HEMK2: variants seen among roughly 807,000 people sequenced by gnomAD.
HEMK2 encodes the protein HemK methyltransferase 2, ETF1 glutamine and histone H4 lysine, also known as methyltransferase HEMK2.
At chr21:28,827,069 C>T in the HEMK2 span, among the ~76,000 whole-genome samples, 1 of 152,146 alleles carries the variant, frequency 6.6e-6, no homozygotes. Context: ...TTTGCCCATC[C>T]ATTCAATCTT....
chr21:28,866,303 T>G, the HEMK2 span, among the ~76,000 whole-genome samples: 1 of 145,294 alleles, frequency 6.9e-6, no homozygotes, highest in South Asian at 2.3e-4. Context: ...ATCACAATAC[T>G]GCACTCCAGC....
the HEMK2 span, among the ~76,000 whole-genome samples, chr21:28,688,543 T>C: frequency 6.6e-6 from 1 of 151,900 alleles, no homozygotes; most frequent in Non-Finnish European, 1.5e-5. Context: ...CTTTGCTTGG[T>C]TAACTGCTTA....
chr21:28,877,298 AAG>A, the HEMK2 span, among the ~76,000 whole-genome samples: 1 of 94,056 alleles, frequency 1.1e-5, no homozygotes, highest in Non-Finnish European at 2.4e-5. Flanking sequence ...GGAAGGAAGG[AAG>A]AGAGAGAGAA....
At chr21:28,842,296 A>G in the HEMK2 span, among the ~76,000 whole-genome samples, 1 of 152,120 alleles carries the variant, frequency 6.6e-6, no homozygotes, top group East Asian at 1.9e-4. Context: ...TAACTACATA[A>G]CTCAGTTTTC....
the HEMK2 span, among the ~76,000 whole-genome samples, chr21:28,597,949 G>T: frequency 0.018 from 2,707 of 152,196 alleles, 105 homozygotes; most frequent in African/African-American, 0.063. Context: ...TTTGCCATTG[G>T]GATAGGAGCA....
chr21:28,828,788 C>G, the HEMK2 span, among the ~76,000 whole-genome samples: 1 of 152,122 alleles, frequency 6.6e-6, no homozygotes, highest in Admixed American at 6.6e-5. Flanking sequence ...TACGAATATC[C>G]ATCTCTGTGA....
chr21:28,769,059 A>G, the HEMK2 span, among the ~76,000 whole-genome samples: 1 of 152,078 alleles, frequency 6.6e-6, no homozygotes, highest in Non-Finnish European at 1.5e-5. Context: ...TGTTTAAGCC[A>G]TTTAGACTGT....
the HEMK2 span, among the ~76,000 whole-genome samples, chr21:28,744,315 C>A: frequency 6.6e-6 from 1 of 151,754 alleles, no homozygotes; most frequent in East Asian, 1.9e-4. Flanking sequence ...ATAAATAGAT[C>A]CTGGGAAAAA....
the HEMK2 span, chr21:28,876,296 T>C: frequency 8.2e-6 from 7 of 858,670 alleles, no homozygotes; most frequent in Non-Finnish European, 1.1e-5. Flanking sequence ...AAATTTCTGA[T>C]AAAATTCCTT....
At chr21:28,838,637 C>A in the HEMK2 span, among the ~76,000 whole-genome samples, 16,667 of 150,232 alleles carry the variant, frequency 0.11, 1,145 homozygotes, top group South Asian at 0.17. Context: ...CTGAATCCAA[C>A]AATATATAAA....
chr21:28,844,184 A>G, the HEMK2 span, among the ~76,000 whole-genome samples: 1 of 152,064 alleles, frequency 6.6e-6, no homozygotes, highest in Non-Finnish European at 1.5e-5. Context: ...AATTGTTTGA[A>G]TTTCTCATTA....
the HEMK2 span, among the ~76,000 whole-genome samples, chr21:28,683,367 CTG>C: frequency 6.6e-6 from 1 of 152,138 alleles, no homozygotes; most frequent in African/African-American, 2.4e-5. Context: ...TGGCTGGTAA[CTG>C]TGTGCACCCA....
At chr21:28,632,641 C>T in the HEMK2 span, among the ~76,000 whole-genome samples, 6 of 152,252 alleles carry the variant, frequency 3.9e-5, no homozygotes, top group African/African-American at 7.2e-5. Flanking sequence ...TCTGTCCACA[C>T]GGTAAAATAG....
the HEMK2 span, among the ~76,000 whole-genome samples, chr21:28,746,132 AC>A: frequency 6.6e-6 from 1 of 152,162 alleles, no homozygotes; most frequent in African/African-American, 2.4e-5. Context: ...AACTGATAAA[AC>A]GTTTTGTTTT....
the HEMK2 span, among the ~76,000 whole-genome samples, chr21:28,660,753 A>G: frequency 3.9e-5 from 6 of 152,166 alleles, no homozygotes; most frequent in Non-Finnish European, 4.4e-5. Context: ...GGAGAACATC[A>G]TAAAATGAGA....
At chr21:28,785,220 G>C in the HEMK2 span, among the ~76,000 whole-genome samples, 3 of 152,182 alleles carry the variant, frequency 2.0e-5, no homozygotes, top group Admixed American at 6.5e-5. Context: ...GCAAGGGTCC[G>C]CGGCTTCATT....
the HEMK2 span, among the ~76,000 whole-genome samples, chr21:28,850,781 T>C: frequency 6.6e-6 from 1 of 152,144 alleles, no homozygotes; most frequent in Non-Finnish European, 1.5e-5. Flanking sequence ...TAGATGTGCA[T>C]ATAAAAGGGA....
At chr21:28,733,822 C>T in the HEMK2 span, among the ~76,000 whole-genome samples, 3 of 152,066 alleles carry the variant, frequency 2.0e-5, no homozygotes, top group African/African-American at 7.2e-5. Flanking sequence ...TGGTGTGCTG[C>T]ACCCATTAAC....
At chr21:28,627,770 GC>G in the HEMK2 span, among the ~76,000 whole-genome samples, 1 of 152,128 alleles carries the variant, frequency 6.6e-6, no homozygotes, top group Non-Finnish European at 1.5e-5. Context: ...AGGACCAGAG[GC>G]TACTTTCTTT....
Sources: allele counts gnomAD v4.1 joint callset (sites outside exome capture counted in the v4.1 genomes callset), GRCh38; gene constraint gnomAD v4.1.1; transcripts MANE v1.5; gene names NCBI Gene and HGNC (gene_info 2026-07-23, HGNC 2026-07-21).